CRYM: variants seen among roughly 807,000 people sequenced by gnomAD.
CRYM encodes the protein crystallin mu, also known as ketimine reductase mu-crystallin.
A neutral mutation model predicts 32.9 loss-of-function variants in CRYM; 18 were observed. That is an observed-to-expected ratio of 0.55 (90% CI 0.38 to 0.81). The LOEUF is 0.81. Among genes scored for constraint, CRYM ranks in the 30% least tolerant of loss-of-function variants. The pLI is 0.00. For synonymous variants in CRYM, 153 were observed against 152.4 expected (o/e 1.00, Z -0.03); for missense variants, 337 against 393.5 (o/e 0.86, Z 1.21).
upstream of CRYM, among the ~76,000 whole-genome samples, chr16:21,280,234 G>T (rs1012837273): frequency 6.6e-6 from 1 of 152,120 alleles, no homozygotes; most frequent in Non-Finnish European, 1.5e-5. Flanking sequence ...ACAAAAATTA[G>T]CTGGGTGTGG....
intron 5 of CRYM, among the ~76,000 whole-genome samples, chr16:21,264,859 C>T (rs1001157109): frequency 6.6e-6 from 1 of 152,114 alleles, no homozygotes; most frequent in African/African-American, 2.4e-5. Context: ...AGGGGCTCCC[C>T]CCATCCTCCA....
At chr16:21,270,773 G>A (rs2093373780) in intron 3 of CRYM, among the ~76,000 whole-genome samples, 1 of 152,126 alleles carries the variant, frequency 6.6e-6, no homozygotes, top group African/African-American at 2.4e-5. Flanking sequence ...TATATTCACT[G>A]GGCCAACTCT....
At chr16:21,282,775 C>G (rs1399720092), upstream of CRYM, among the ~76,000 whole-genome samples, 1 of 152,112 alleles carries the variant, frequency 6.6e-6, no homozygotes, top group Non-Finnish European at 1.5e-5. Context: ...CACCCAGGTC[C>G]TCAGTAAAGT....
intron 5 of CRYM, among the ~76,000 whole-genome samples, chr16:21,267,271 T>G (rs2093365692): frequency 6.6e-6 from 1 of 152,038 alleles, no homozygotes; most frequent in Admixed American, 6.5e-5. Context: ...CTAACTTTTG[T>G]ATTTTTAGTA....
chr16:21,262,808 C>G (rs1302171789), intron 5 of CRYM, among the ~76,000 whole-genome samples: 1 of 152,150 alleles, frequency 6.6e-6, no homozygotes, highest in Non-Finnish European at 1.5e-5. Context: ...TCTCACTTAA[C>G]AGATGCACGA....
intron 5 of CRYM, 40 bp downstream of exon 5, chr16:21,267,514 G>T: frequency 1.2e-6 from 2 of 1,604,578 alleles, no homozygotes; most frequent in East Asian, 2.2e-5. Context: ...AGAGGAGCCT[G>T]GCCACCACCC....
In CRYM at chr16:21,294,034, C is replaced by T. The variant is rs367606909; in HGVS notation, c.-193+8944G>A. Among the ~76,000 whole-genome samples, 115 of 152,278 alleles carry T rather than the reference C, an allele frequency of 7.6e-4. 1 individual carries two copies. In the South Asian group the frequency reaches 0.016, roughly 22 times the overall value. ...AATTTGTCAGCAAAAAGGTAGAATA[C>T]GCATAACTTCTCATTACCATCTCAC... On this transcript the variant is annotated intron_variant, in intron 1 of 9. Coordinates refer to the CRYM transcript ENST00000219599.
intron 1 of CRYM, among the ~76,000 whole-genome samples, chr16:21,288,863 T>C (rs1261337202): frequency 6.6e-6 from 1 of 152,164 alleles, no homozygotes; most frequent in African/African-American, 2.4e-5. Context: ...TTGCTTAAGT[T>C]TGTATTGTCT....
intron 3 of CRYM, among the ~76,000 whole-genome samples, chr16:21,271,357 G>A (rs557787217): frequency 3.9e-5 from 6 of 152,276 alleles, no homozygotes; most frequent in East Asian, 3.9e-4. Flanking sequence ...ACCCTCTTCT[G>A]CCTTTTCTCT....
chr16:21,279,321 G>A (rs557651048), upstream of CRYM, among the ~76,000 whole-genome samples: 2 of 152,276 alleles, frequency 1.3e-5, no homozygotes, highest in African/African-American at 2.4e-5. Flanking sequence ...TTAGTTCAAG[G>A]TCATCCACCA....
intron 1 of CRYM, among the ~76,000 whole-genome samples, chr16:21,302,562 G>A (rs76197220): frequency 0.016 from 2,504 of 152,226 alleles, 86 homozygotes; most frequent in East Asian, 0.079. Flanking sequence ...AGTGGGGCAG[G>A]GTTTTTAAGC....
At chr16:21,288,383 G>A (rs962893922) in intron 1 of CRYM, among the ~76,000 whole-genome samples, 5 of 152,118 alleles carry the variant, frequency 3.3e-5, no homozygotes, top group Non-Finnish European at 7.4e-5. Context: ...TATGAATTGT[G>A]TCCTTTTCAT....
chr16:21,263,996 T>C (rs1237430355), intron 5 of CRYM, among the ~76,000 whole-genome samples: 1 of 152,260 alleles, frequency 6.6e-6, no homozygotes, highest in African/African-American at 2.4e-5. Flanking sequence ...TACTCTATGG[T>C]CCAAACCAAA....
At chr16:21,262,894 T>C (rs887083342) in intron 5 of CRYM, among the ~76,000 whole-genome samples, 2 of 152,196 alleles carry the variant, frequency 1.3e-5, no homozygotes, top group African/African-American at 4.8e-5. Flanking sequence ...AGAGAGCACC[T>C]AGGCGCTCAC....
At chr16:21,302,073 ACACACACACC>A (rs1415305941) in intron 1 of CRYM, among the ~76,000 whole-genome samples, 1 of 152,178 alleles carries the variant, frequency 6.6e-6, no homozygotes, top group Admixed American at 6.5e-5. Flanking sequence ...CCCCGCCAAC[ACACACACACC>A]CACACACACA....
intron 1 of CRYM, among the ~76,000 whole-genome samples, chr16:21,290,714 A>G (rs909874722): frequency 3.9e-5 from 6 of 152,190 alleles, no homozygotes; most frequent in African/African-American, 1.2e-4. Context: ...ATATATTCAT[A>G]AACTGTTATA....
chr16:21,275,429 A>G (rs2093384282), intron 3 of CRYM, 103 bp downstream of exon 3: 1 of 1,035,482 alleles, frequency 9.7e-7, no homozygotes, highest in Non-Finnish European at 1.5e-6. Context: ...GTCCAACAGG[A>G]AACCAAAATA....
chr16:21,302,219 G>C lies in CRYM; in HGVS notation c.-193+759C>G, dbSNP rs1960964682. Reference sequence around the variant, plus strand: ...GTCCTGACTAGTCCAGAATTTATTTGCTGTGACCTATGGCAAATTGCTTGG... The same window carrying C: ...GTCCTGACTAGTCCAGAATTTATTTCCTGTGACCTATGGCAAATTGCTTGG... On this transcript the variant is annotated intron_variant, in intron 1 of 9. Coordinates refer to the CRYM transcript ENST00000219599. Among the ~76,000 whole-genome samples the C allele has an allele frequency of 2.0e-5, 3 of 152,206 alleles. No individual in the cohort carries two copies. The South Asian group carries it at 6.2e-4, about 32-fold the overall frequency.
chr16:21,295,337 G>GT (rs1960766485), intron 1 of CRYM, among the ~76,000 whole-genome samples: 1 of 152,146 alleles, frequency 6.6e-6, no homozygotes, highest in Non-Finnish European at 1.5e-5. Context: ...AGCATCTGTG[G>GT]TTTCTTGACT....
Sources: allele counts gnomAD v4.1 joint callset (sites outside exome capture counted in the v4.1 genomes callset), GRCh38; gene constraint gnomAD v4.1.1; transcripts MANE v1.5; gene names NCBI Gene and HGNC (gene_info 2026-07-23, HGNC 2026-07-21).